The following DPP10 variants were observed in gnomAD, a reference collection of about 807,000 sequenced individuals.
DPP10 encodes inactive dipeptidyl peptidase 10.
Under a neutral mutation model 120.9 loss-of-function variants are expected in DPP10, and 33 were observed. The observed-to-expected ratio is 0.27, with a 90% CI of 0.21 to 0.37. The LOEUF (loss-of-function observed/expected upper bound fraction) is 0.37, where lower values mean the gene tolerates loss of function less well. Among genes scored for constraint, DPP10 ranks in the 10% least tolerant of loss-of-function variants. The pLI, the probability that DPP10 is intolerant of heterozygous loss-of-function variation, is 1.00. For missense variants in DPP10, 816 were observed against 942.8 expected (o/e 0.87, Z 1.76); for synonymous variants, 337 against 326.1 (o/e 1.03, Z -0.36).
intron 1 of DPP10, among the ~76,000 whole-genome samples, chr2:114,709,377 T>A (rs1700882788): frequency 6.6e-6 from 1 of 152,168 alleles, no homozygotes; most frequent in South Asian, 2.1e-4. Context: ...CTAAGTGACT[T>A]CCCTGACTCA....
chr2:115,464,501 T>G (rs1160151953), intron 3 of DPP10, among the ~76,000 whole-genome samples: 3 of 152,016 alleles, frequency 2.0e-5, no homozygotes, highest in African/African-American at 7.2e-5. Flanking sequence ...AACACTAGGT[T>G]TTTTTTCACC....
chr2:115,342,006 A>C (rs1053180352), intron 2 of DPP10: 2 of 356,238 alleles, frequency 5.6e-6, no homozygotes, highest in Non-Finnish European at 1.1e-5. Flanking sequence ...GTTTAGTTTT[A>C]TAAGAAAATG....
At chr2:114,648,186 C>G (rs1441864142) in intron 1 of DPP10, among the ~76,000 whole-genome samples, 1 of 152,180 alleles carries the variant, frequency 6.6e-6, no homozygotes, top group African/African-American at 2.4e-5. Flanking sequence ...CCCCATGACA[C>G]TTGAGTGACA....
At chr2:114,695,429 T>C (rs76367972) in intron 1 of DPP10, among the ~76,000 whole-genome samples, 1 of 152,182 alleles carries the variant, frequency 6.6e-6, no homozygotes, top group African/African-American at 2.4e-5. Flanking sequence ...CAGTTGTACA[T>C]TGACATATCA....
intron 1 of DPP10, among the ~76,000 whole-genome samples, chr2:114,452,469 T>C (rs1678342024): frequency 6.6e-6 from 1 of 152,134 alleles, no homozygotes; most frequent in Admixed American, 6.6e-5. Context: ...TAAATATTTC[T>C]TAGAGATTTC....
At chr2:114,506,111 G>C (rs1012692573) in intron 1 of DPP10, among the ~76,000 whole-genome samples, 8 of 152,186 alleles carry the variant, frequency 5.3e-5, no homozygotes, top group Non-Finnish European at 8.8e-5. Context: ...AGCCCAAAGT[G>C]AGAACATACA....
At chr2:115,244,062 C>T (rs2058409078) in intron 1 of DPP10, among the ~76,000 whole-genome samples, 1 of 150,534 alleles carries the variant, frequency 6.6e-6, no homozygotes, top group Non-Finnish European at 1.5e-5. Flanking sequence ...AAAGTAATAC[C>T]TTAAAATAAG....
At chr2:115,276,974 A>G (rs1488455562) in intron 1 of DPP10, among the ~76,000 whole-genome samples, 1 of 152,184 alleles carries the variant, frequency 6.6e-6, no homozygotes, top group Non-Finnish European at 1.5e-5. Context: ...TTTAGTTTCA[A>G]ATTATAAAAG....
chr2:115,257,168 T>C (rs148508831), intron 1 of DPP10, among the ~76,000 whole-genome samples: 46 of 152,330 alleles, frequency 3.0e-4, no homozygotes, highest in African/African-American at 1.0e-3. Context: ...TCCTGTTTTC[T>C]TCTGAGCCCT....
At chr2:115,396,981 G>A (rs145034625) in intron 3 of DPP10, among the ~76,000 whole-genome samples, 1 of 152,248 alleles carries the variant, frequency 6.6e-6, no homozygotes, top group Admixed American at 6.5e-5. Flanking sequence ...GTAAATGGAA[G>A]TATTATCCCA....
intron 1 of DPP10, among the ~76,000 whole-genome samples, chr2:114,975,887 G>A (rs1266398374): frequency 6.6e-6 from 1 of 151,888 alleles, no homozygotes; most frequent in Non-Finnish European, 1.5e-5. Flanking sequence ...CTGACCTCAA[G>A]TGGTCCACCC....
chr2:114,664,942 A>G (rs555786426), intron 1 of DPP10, among the ~76,000 whole-genome samples: 1 of 150,774 alleles, frequency 6.6e-6, no homozygotes, highest in South Asian at 2.1e-4. Flanking sequence ...GATGGCACAG[A>G]GCATCCAAAA....
At chr2:115,031,726 G>T (rs1419405060) in intron 1 of DPP10, among the ~76,000 whole-genome samples, 2 of 152,020 alleles carry the variant, frequency 1.3e-5, no homozygotes, top group Admixed American at 6.6e-5. Flanking sequence ...ATGTGACGAA[G>T]CAGCTTTTAG....
At chr2:115,628,729 A>G (rs1414017411) in intron 5 of DPP10, among the ~76,000 whole-genome samples, 1 of 151,764 alleles carries the variant, frequency 6.6e-6, no homozygotes, top group Non-Finnish European at 1.5e-5. Context: ...TCAATTTTCT[A>G]CATGTGGCTA....
intron 1 of DPP10, among the ~76,000 whole-genome samples, chr2:114,600,690 C>T (rs1189799365): frequency 6.6e-6 from 1 of 151,724 alleles, no homozygotes; most frequent in Non-Finnish European, 1.5e-5. Flanking sequence ...GTTTAATGTC[C>T]CAGTAATAAT....
intron 1 of DPP10, among the ~76,000 whole-genome samples, chr2:114,632,519 T>TTC (rs1237512249): frequency 1.4e-5 from 2 of 138,138 alleles, no homozygotes; most frequent in African/African-American, 5.4e-5. Flanking sequence ...TTTTTTTTTT[T>TTC]TTTTTTTTTT....
chr2:115,839,498 AC>A (rs202224487), intron 24 of DPP10, among the ~76,000 whole-genome samples: 1,958 of 151,716 alleles, frequency 0.013, 44 homozygotes, highest in African/African-American at 0.043. Context: ...ACATGGTGAA[AC>A]CCCGTCTCTA....
chr2:115,679,563 G>A (rs1322356068), intron 5 of DPP10, among the ~76,000 whole-genome samples: 3 of 152,178 alleles, frequency 2.0e-5, no homozygotes, highest in African/African-American at 7.2e-5. Flanking sequence ...CTTCATAGAA[G>A]TGTGAGAATG....
At chr2:114,627,797 A>G (rs1385145402) in intron 1 of DPP10, among the ~76,000 whole-genome samples, 1 of 152,174 alleles carries the variant, frequency 6.6e-6, no homozygotes, top group Non-Finnish European at 1.5e-5. Context: ...AGAATCCAGT[A>G]TTTGTGCAAA....
Sources: allele counts gnomAD v4.1 joint callset (sites outside exome capture counted in the v4.1 genomes callset), GRCh38; gene constraint gnomAD v4.1.1; transcripts MANE v1.5; gene names NCBI Gene and HGNC (gene_info 2026-07-23, HGNC 2026-07-21).